Variants in PIP4K2A observed in about 807,000 individuals in gnomAD.
The protein encoded by PIP4K2A is phosphatidylinositol-5-phosphate 4-kinase type 2 alpha, also known as phosphatidylinositol 5-phosphate 4-kinase type-2 alpha.
Under a neutral mutation model 42.9 loss-of-function variants are expected in PIP4K2A, and 14 were observed. That is an observed-to-expected ratio of 0.33 (90% CI 0.22 to 0.51). PIP4K2A has a LOEUF of 0.51. PIP4K2A is among the 20% of genes least tolerant of loss of function. PIP4K2A has a pLI of 0.97. For synonymous variants in PIP4K2A, 192 were observed against 192.2 expected (o/e 1.00, Z 0.01); for missense variants, 434 against 519.8 (o/e 0.83, Z 1.61).
intron 7 of PIP4K2A, among the ~76,000 whole-genome samples, chr10:22,547,753 AAC>A (rs1836292889): frequency 6.6e-6 from 1 of 152,290 alleles, no homozygotes; most frequent in South Asian, 2.1e-4. Flanking sequence ...GAATTGACAA[AAC>A]ACAGGGCAGA....
rs552771379 is a variant in PIP4K2A, at chr10:22,707,344, C to T, written c.144+6839G>A. Reference sequence around the variant, plus strand: ...ACTCCAGAGCTCTTAATCACTGTGCCCAGGTAGCTGAAAAACTATAAAGAT... The same window carrying T: ...ACTCCAGAGCTCTTAATCACTGTGCTCAGGTAGCTGAAAAACTATAAAGAT... On this transcript the variant is annotated intron_variant, in intron 1 of 9. Transcript: ENST00000376573. 1.6e-4 allele frequency among the ~76,000 whole-genome samples: 25 copies of T among 152,232 alleles called. No homozygotes were observed. In the South Asian group the frequency reaches 3.3e-3, roughly 20 times the overall value.
chr10:22,601,247 T>C (rs1837768141), intron 3 of PIP4K2A, among the ~76,000 whole-genome samples: 2 of 150,318 alleles, frequency 1.3e-5, no homozygotes, highest in Admixed American at 1.3e-4. Context: ...GATGACTGGC[T>C]GTCAGCTCTC....
chr10:22,536,140 G>T lies in PIP4K2A; in HGVS notation c.*1061C>A, dbSNP rs987242132. On this transcript the variant is annotated 3_prime_UTR_variant, in exon 10 of 10. Transcript: ENST00000376573. ...AGGGTTTCAGTTAAAGGGATAATTCGTAACAAAATCCCATTGTTGAAACAA... is the reference window on the plus strand; with the variant it reads ...AGGGTTTCAGTTAAAGGGATAATTCTTAACAAAATCCCATTGTTGAAACAA... The T allele has an allele frequency of 2.5e-6, 1 of 398,318 alleles. No homozygotes were observed. The highest frequency in any genetic ancestry group is 4.4e-6 in the Non-Finnish European group (1 of 226,014). The allele number at this position is 398,318 out of a possible 1,614,324, so 24.7% of individuals were successfully genotyped here.
chr10:22,705,426 TAAAAAAAAAAAAA>T (rs150254345), intron 1 of PIP4K2A, among the ~76,000 whole-genome samples: 1,242 of 29,216 alleles, frequency 0.043, 27 homozygotes, highest in African/African-American at 0.087. Context: ...GTACCCCAGT[TAAAAAAAAAAAAA>T]AAAAAAAAAA....
chr10:22,557,559 G>C (rs994477851), intron 6 of PIP4K2A, among the ~76,000 whole-genome samples: 3 of 152,164 alleles, frequency 2.0e-5, no homozygotes, highest in Non-Finnish European at 4.4e-5. Context: ...ATATGGAGTT[G>C]AGCAATATTG....
intron 1 of PIP4K2A, among the ~76,000 whole-genome samples, chr10:22,640,014 C>CT (rs71395806): frequency 0.037 from 3,372 of 92,018 alleles, 133 homozygotes; most frequent in East Asian, 0.054. Context: ...GATGTGTTGT[C>CT]TTTTTTTTTT....
intron 3 of PIP4K2A, among the ~76,000 whole-genome samples, chr10:22,597,310 T>C (rs1229109511): frequency 1.3e-5 from 2 of 152,192 alleles, no homozygotes; most frequent in Admixed American, 6.5e-5. Flanking sequence ...AACACAGGGC[T>C]GAAGGAGGAC....
rs540736827 is a variant in PIP4K2A, at chr10:22,610,088, G to A, written c.145-371C>T. Among the ~76,000 whole-genome samples the A allele has an allele frequency of 8.5e-5, 13 of 152,322 alleles. No homozygotes were observed. The South Asian group carries it at 2.5e-3, about 29-fold the overall frequency. On this transcript the variant is annotated intron_variant, in intron 1 of 9. Transcript: ENST00000376573. ...CTTCTGTAAAGAAAATGTTATCTGA[G>A]AAAGAAAGCTTTTAAATTTTTCACG...
intron 1 of PIP4K2A, among the ~76,000 whole-genome samples, chr10:22,621,178 G>A (rs953002856): frequency 7.2e-5 from 11 of 152,126 alleles, no homozygotes; most frequent in Non-Finnish European, 1.5e-4. Context: ...CTCTGGACCT[G>A]GGGGATCTTG....
chr10:22,677,523 G>A lies in PIP4K2A; in HGVS notation c.144+36660C>T, dbSNP rs548344612. Among the ~76,000 whole-genome samples, 6 of 152,310 alleles carry A rather than the reference G, an allele frequency of 3.9e-5. No individual in the cohort carries two copies. In the South Asian group the frequency reaches 1.2e-3, roughly 32 times the overall value. On this transcript the variant is annotated intron_variant, in intron 1 of 9. Transcript: ENST00000376573. The stretch of plus-strand genomic sequence containing the variant: ...AGGCAAGCATTCAGCAGCCACACGT[G>A]GCTCGTGGCTGCATGTGGGATCCTG...
At chr10:22,708,256 T>C (rs1833855783) in intron 1 of PIP4K2A, among the ~76,000 whole-genome samples, 2 of 152,196 alleles carry the variant, frequency 1.3e-5, no homozygotes, top group South Asian at 4.1e-4. Context: ...AGCACAGCCA[T>C]GACTTTCAAG....
chr10:22,590,413 T>C (rs142451305), intron 4 of PIP4K2A, among the ~76,000 whole-genome samples: 1,670 of 152,334 alleles, frequency 0.011, 11 homozygotes, highest in Non-Finnish European at 0.017. Context: ...ATGGATGTTA[T>C]CTTGATAATA....
At chr10:22,676,627 G>T (rs1407066164) in intron 1 of PIP4K2A, among the ~76,000 whole-genome samples, 1 of 152,154 alleles carries the variant, frequency 6.6e-6, no homozygotes, top group East Asian at 1.9e-4. Context: ...GTGATGGGCT[G>T]ATAAGGGAGA....
At chr10:22,574,444 G>GTTTTTTTTTTTTTTTTTTTT (rs765734098) in intron 4 of PIP4K2A, among the ~76,000 whole-genome samples, 2 of 142,350 alleles carry the variant, frequency 1.4e-5, no homozygotes, top group Non-Finnish European at 1.5e-5. Context: ...TTCATTTTCT[G>GTTTTTTTTTTTTTTTTTTTT]TTTTTTTTTT....
intron 4 of PIP4K2A, among the ~76,000 whole-genome samples, chr10:22,581,554 G>T (rs1837279839): frequency 9.0e-6 from 1 of 111,010 alleles, no homozygotes; most frequent in African/African-American, 3.6e-5. Flanking sequence ...AACACAGGGA[G>T]ATCCTATCTC....
At chr10:22,703,438 A>G (rs1002517461) in intron 1 of PIP4K2A, among the ~76,000 whole-genome samples, 1 of 152,126 alleles carries the variant, frequency 6.6e-6, no homozygotes, top group Non-Finnish European at 1.5e-5. Context: ...TAAAAGAGGG[A>G]AAAACATTCC....
intron 7 of PIP4K2A, among the ~76,000 whole-genome samples, chr10:22,544,205 T>TCA (rs1372733192): frequency 6.6e-6 from 1 of 152,062 alleles, no homozygotes; most frequent in African/African-American, 2.4e-5. Flanking sequence ...ACTGCTGTGA[T>TCA]CATGGAACCT....
At chr10:22,576,209 G>C (rs933232599) in intron 4 of PIP4K2A, among the ~76,000 whole-genome samples, 1 of 152,158 alleles carries the variant, frequency 6.6e-6, no homozygotes, top group African/African-American at 2.4e-5. Context: ...TGAATTTCTG[G>C]GGGGAAGCAC....
intron 4 of PIP4K2A, among the ~76,000 whole-genome samples, chr10:22,581,153 CTTT>C (rs1837269476): frequency 2.5e-3 from 1 of 400 alleles, no homozygotes; most frequent in Admixed American, 0.028. Context: ...TAGGGCTTTT[CTTT>C]CCCCTGAGGC....
Sources: allele counts gnomAD v4.1 joint callset (sites outside exome capture counted in the v4.1 genomes callset), GRCh38; gene constraint gnomAD v4.1.1; transcripts MANE v1.5; gene names NCBI Gene and HGNC (gene_info 2026-07-23, HGNC 2026-07-21).